PTPRD: variants seen among roughly 807,000 people sequenced by gnomAD.
PTPRD encodes the protein protein tyrosine phosphatase receptor type D.
Under a neutral mutation model 214.5 loss-of-function variants are expected in PTPRD, and 34 were observed. The ratio of observed to expected loss-of-function variants is 0.16; its 90% confidence interval spans 0.12 to 0.21. The LOEUF is 0.21. Among genes scored for constraint, PTPRD ranks in the 10% least tolerant of loss-of-function variants. PTPRD has a pLI of 1.00. For synonymous variants in PTPRD, 1,128 were observed against 845.7 expected (o/e 1.33, Z -5.79); for missense variants, 2,545 against 2,398.7 (o/e 1.06, Z -1.27).
intron 11 of PTPRD, among the ~76,000 whole-genome samples, chr9:8,858,769 C>G (rs559317639): frequency 1.7e-3 from 256 of 147,974 alleles, no homozygotes; most frequent in African/African-American, 6.1e-3. Flanking sequence ...AAAGGAGGGG[C>G]AGGCAGGAGA....
intron 5 of PTPRD, among the ~76,000 whole-genome samples, chr9:9,904,845 T>C (rs2077185230): frequency 1.3e-5 from 2 of 151,992 alleles, no homozygotes; most frequent in South Asian, 4.1e-4. Context: ...AGAGAAATCG[T>C]AGGTGGGCAA....
intron 10 of PTPRD, among the ~76,000 whole-genome samples, chr9:9,055,618 C>T (rs1338575260): frequency 6.6e-6 from 1 of 151,990 alleles, no homozygotes; most frequent in Admixed American, 6.6e-5. Context: ...TTCAGGGCCT[C>T]AAAACGTAGT....
At chr9:9,101,430 C>T (rs534706035) in intron 10 of PTPRD, among the ~76,000 whole-genome samples, 2 of 152,240 alleles carry the variant, frequency 1.3e-5, no homozygotes, top group East Asian at 3.9e-4. Context: ...CGATTAGCAT[C>T]CTCACCTCCC....
intron 9 of PTPRD, among the ~76,000 whole-genome samples, chr9:9,366,562 A>C (rs1388874667): frequency 6.6e-6 from 1 of 151,602 alleles, no homozygotes; most frequent in Non-Finnish European, 1.5e-5. Context: ...AACTGAAATG[A>C]ATAGGCTGGT....
chr9:9,717,171 C>T (rs987561211), intron 7 of PTPRD, among the ~76,000 whole-genome samples: 11 of 152,112 alleles, frequency 7.2e-5, no homozygotes, highest in African/African-American at 2.4e-4. Flanking sequence ...AGATATGCGG[C>T]GTTATTTCTG....
intron 3 of PTPRD, among the ~76,000 whole-genome samples, chr9:10,271,025 A>T (rs560946761): frequency 6.6e-6 from 1 of 152,098 alleles, no homozygotes; most frequent in South Asian, 2.1e-4. Flanking sequence ...GGGTCTTGCT[A>T]TGTTGCCCAG....
At chr9:8,804,893 C>G (rs2096645012) in intron 11 of PTPRD, among the ~76,000 whole-genome samples, 1 of 152,108 alleles carries the variant, frequency 6.6e-6, no homozygotes, top group South Asian at 2.1e-4. Context: ...TTAACACCTC[C>G]CAGATCTCAT....
intron 2 of PTPRD, among the ~76,000 whole-genome samples, chr9:10,405,213 C>A (rs1374775015): frequency 6.6e-6 from 1 of 151,628 alleles, no homozygotes; most frequent in East Asian, 2.0e-4. Context: ...AAATGCCAGA[C>A]CATTATCTTA....
intron 3 of PTPRD, among the ~76,000 whole-genome samples, chr9:10,153,534 G>A (rs952089253): frequency 6.6e-6 from 1 of 150,882 alleles, no homozygotes; most frequent in Non-Finnish European, 1.5e-5. Context: ...TTGCTAATAT[G>A]ATGAATCACA....
In PTPRD at chr9:9,064,116, G is replaced by A. The variant is rs148642223; in HGVS notation, c.-142-45381C>T. On this transcript the variant is annotated intron_variant, in intron 10 of 45. Coordinates refer to ENST00000381196, the MANE Select transcript of PTPRD (RefSeq NM_002839.4). ...TATACAAATTGTTATATATCATGTT[G>A]TAGAAAAATAATTTATATAACTGAG... 2.1e-3 allele frequency among the ~76,000 whole-genome samples: 321 copies of A among 152,128 alleles called. 2 individuals carry two copies. The highest frequency in any genetic ancestry group is 7.4e-3 in the African/African-American group (308 of 41,510).
At chr9:9,690,242 T>G (rs536959630) in intron 7 of PTPRD, among the ~76,000 whole-genome samples, 1 of 152,002 alleles carries the variant, frequency 6.6e-6, no homozygotes, top group East Asian at 1.9e-4. Flanking sequence ...TGATCAATGA[T>G]GTTGATCACC....
intron 3 of PTPRD, among the ~76,000 whole-genome samples, chr9:10,264,094 T>G (rs1287406902): frequency 1.3e-5 from 2 of 152,168 alleles, no homozygotes; most frequent in Non-Finnish European, 2.9e-5. Context: ...AGAGGATATA[T>G]GGGAACACCT....
At chr9:8,452,955 T>A (rs1227096350) in intron 33 of PTPRD, among the ~76,000 whole-genome samples, 3 of 152,210 alleles carry the variant, frequency 2.0e-5, no homozygotes, top group African/African-American at 7.2e-5. Flanking sequence ...ATATCTACCA[T>A]CAATATTCAA....
At chr9:9,608,537 A>G (rs940432891) in intron 7 of PTPRD, among the ~76,000 whole-genome samples, 1 of 152,202 alleles carries the variant, frequency 6.6e-6, no homozygotes, top group African/African-American at 2.4e-5. Context: ...TTTCCAGAAG[A>G]CTAATTGGCC....
At chr9:8,489,995 G>C (rs1230814214) in intron 27 of PTPRD, among the ~76,000 whole-genome samples, 2 of 152,194 alleles carry the variant, frequency 1.3e-5, no homozygotes, top group East Asian at 1.9e-4. Flanking sequence ...GGAATAGATT[G>C]TGCAATCTGT....
At chr9:10,028,565 T>G (rs2096976856) in intron 4 of PTPRD, among the ~76,000 whole-genome samples, 1 of 152,112 alleles carries the variant, frequency 6.6e-6, no homozygotes, top group Non-Finnish European at 1.5e-5. Context: ...TGGTCTCAGA[T>G]GGAGATGAGG....
intron 10 of PTPRD, among the ~76,000 whole-genome samples, chr9:9,096,138 G>A (rs971448243): frequency 6.6e-6 from 1 of 152,230 alleles, no homozygotes; most frequent in African/African-American, 2.4e-5. Context: ...GGATGACCAA[G>A]TCTAGAGATT....
intron 10 of PTPRD, among the ~76,000 whole-genome samples, chr9:9,129,222 T>C (rs916073470): frequency 6.6e-6 from 1 of 152,074 alleles, no homozygotes; most frequent in Non-Finnish European, 1.5e-5. Context: ...AAAACCCATC[T>C]CTACTAAAAA....
chr9:10,099,718 G>A (rs2098532243), intron 3 of PTPRD, among the ~76,000 whole-genome samples: 1 of 151,498 alleles, frequency 6.6e-6, no homozygotes, highest in Non-Finnish European at 1.5e-5. Context: ...ATCGTATGTT[G>A]GGTCTGCTTT....
Sources: gnomAD v4.1 joint callset for allele counts (sites outside exome capture counted in the v4.1 genomes callset) on GRCh38, gnomAD v4.1.1 for gene constraint, MANE v1.5 for transcripts, NCBI Gene and HGNC (gene_info 2026-07-23, HGNC 2026-07-21) for gene names.